EFHC1: variants seen among roughly 807,000 people sequenced by gnomAD.
EFHC1 encodes EF-hand domain containing 1.
Under a neutral mutation model 69.9 loss-of-function variants are expected in EFHC1, and 53 were observed. The observed-to-expected ratio is 0.76, with a 90% CI of 0.61 to 0.95. The LOEUF is 0.95. Ranked by LOEUF, EFHC1 falls within the 40% of genes least tolerant of loss-of-function variation. EFHC1 has a pLI of 0.00. For missense variants in EFHC1, 739 were observed against 798.7 expected (o/e 0.93, Z 0.90); for synonymous variants, 256 against 278.4 (o/e 0.92, Z 0.80).
chr6:52,464,605 G>C (rs1438237184), intron 5 of EFHC1, among the ~76,000 whole-genome samples: 1 of 152,134 alleles, frequency 6.6e-6, no homozygotes, highest in African/African-American at 2.4e-5. Flanking sequence ...CTTTCCTCCT[G>C]TAGTGATTTA....
intron 9 of EFHC1, chr6:52,482,503 A>G (rs1765702285): frequency 6.5e-6 from 2 of 309,228 alleles, no homozygotes; most frequent in Non-Finnish European, 1.2e-5. Context: ...AAACTTTATC[A>G]AAAGTGGTTT....
intron 9 of EFHC1, chr6:52,488,473 A>G (rs866541114): frequency 3.3e-5 from 5 of 152,224 alleles, no homozygotes; most frequent in African/African-American, 1.2e-4. Context: ...TAACTCAGAG[A>G]TAACTGCTTC....
intron 5 of EFHC1, among the ~76,000 whole-genome samples, chr6:52,457,987 T>C (rs1765081674): frequency 6.6e-6 from 1 of 152,178 alleles, no homozygotes; most frequent in South Asian, 2.1e-4. Flanking sequence ...TCTCAAAGAC[T>C]TTACAATCTG....
Position 52,497,072 on chromosome 6 carries a change from G to A in EFHC1, c.*4731G>A. Reference sequence around the variant, plus strand: ...AGCTAAATAACATCATAGTATAGTAGGCATCAAGGATGATGTGCTTGTTTC... The same window carrying A: ...AGCTAAATAACATCATAGTATAGTAAGCATCAAGGATGATGTGCTTGTTTC... On this transcript the variant is annotated 3_prime_UTR_variant, in exon 11 of 11. Coordinates refer to ENST00000371068, the MANE Select transcript of EFHC1 (RefSeq NM_018100.4). The A allele has an allele frequency of 6.6e-6, 1 of 152,148 alleles. No homozygotes were observed. The highest frequency in any genetic ancestry group is 1.9e-4 in the East Asian group (1 of 5,200). 9.4% of individuals were successfully genotyped at this position (152,148 alleles called of 1,614,324 possible). A position where few individuals can be genotyped will look rare whatever the true frequency, so the allele number is the denominator to read the frequency against.
At chr6:52,437,437 A>G (rs1370005408) in intron 2 of EFHC1, 1 of 152,220 alleles carries the variant, frequency 6.6e-6, no homozygotes, top group Non-Finnish European at 1.5e-5. Flanking sequence ...GATGTCAGCA[A>G]ACTTTTTCTG....
At chr6:52,459,110 A>G (rs1183890866) in intron 5 of EFHC1, among the ~76,000 whole-genome samples, 1 of 152,218 alleles carries the variant, frequency 6.6e-6, no homozygotes, top group Non-Finnish European at 1.5e-5. Flanking sequence ...AGAACTACCT[A>G]TCAGGTACTG....
chr6:52,454,186 C>T lies in EFHC1; in HGVS notation c.815C>T (p.Thr272Met), dbSNP rs143655397. 14 of 1,613,902 alleles carry T rather than the reference C, an allele frequency of 8.7e-6. No homozygotes were observed. The East Asian group carries it at 1.1e-4, about 13-fold the overall frequency. ...YIIHYYLMDD[T>M]VEIREVHERN... ...ATTCATTACTATCTTATGGATGATA[C>T]GGTGGAAATTCGAGAGGTCCACGAA... is the stretch of plus-strand genomic sequence containing the variant. Residue 272 changes from threonine (T) to methionine (M), a missense_variant, in exon 5 of 11, where the codon ACG becomes ATG. Physicochemically the swap from Thr to Met is moderately conservative, Grantham distance 81 (BLOSUM62 -1). Transcript: ENST00000371068.
chr6:52,491,626 C>T (rs1391885593), intron 10 of EFHC1, among the ~76,000 whole-genome samples: 1 of 152,222 alleles, frequency 6.6e-6, no homozygotes, highest in African/African-American at 2.4e-5. Flanking sequence ...ACGACAATTA[C>T]TACTGTTACT....
chr6:52,424,155 C>G lies in EFHC1; in HGVS notation c.273C>G (p.Ala91=). 6.2e-7 allele frequency: 1 copy of G among 1,613,848 alleles called. No individual in the cohort carries two copies. The highest frequency in any genetic ancestry group is 8.5e-7 in the Non-Finnish European group (1 of 1,179,848). The change falls in exon 2 of 11, where the codon GCC becomes GCG. Residue 91 remains alanine (A), a synonymous_variant. Transcript: ENST00000371068. ...PPADFIPAHV[A]FDKKVLKFDA... Reference sequence around the variant, plus strand: ...CGGATTTTATTCCTGCGCATGTGGCCTTTGACAAAAAGGTATCATCTGGAA... The same window carrying G: ...CGGATTTTATTCCTGCGCATGTGGCGTTTGACAAAAAGGTATCATCTGGAA...
intron 9 of EFHC1, chr6:52,482,413 GT>G (rs1185015053): frequency 6.1e-6 from 1 of 162,944 alleles, no homozygotes; most frequent in Non-Finnish European, 1.3e-5. Flanking sequence ...TGAAAAAATA[GT>G]AAAACTAATT....
chr6:52,480,181 C>T (rs761986089), intron 9 of EFHC1: 19 of 337,314 alleles, frequency 5.6e-5, no homozygotes, highest in African/African-American at 1.9e-4. Flanking sequence ...TCTTACAATA[C>T]GGTAAGCTAG....
At chr6:52,453,113 A>G (rs372508726) in intron 4 of EFHC1, 3 of 1,432,608 alleles carry the variant, frequency 2.1e-6, no homozygotes, top group African/African-American at 1.4e-5. Context: ...CCTGAGCTAC[A>G]TCTGCTTCCC....
In EFHC1 at chr6:52,452,783, T is replaced by A; in HGVS notation, c.669T>A (p.Tyr223Ter). 1 of 1,614,110 alleles carries A rather than the reference T, an allele frequency of 6.2e-7. No homozygotes were observed. Among genetic ancestry groups the A allele is most frequent in the Non-Finnish European group, 8.5e-7 (1 of 1,179,936 alleles). Residue 223 changes from tyrosine to a stop codon, truncating the protein, a stop_gained, in exon 4 of 11, where the codon TAT becomes TAA. Transcript: ENST00000371068. LOFTEE classifies it high-confidence loss of function. Reference protein sequence around the residue: ...TELRKQPLRKYVTPSDFDQLK... With the variant: ...TELRKQPLRK ...TCCGAAAACAGCCTCTTCGTAAGTA[T>A]GTCACCCCATCAGACTTTGATCAAC...
intron 2 of EFHC1, among the ~76,000 whole-genome samples, chr6:52,436,567 C>T (rs1052781809): frequency 6.6e-6 from 1 of 152,194 alleles, no homozygotes; most frequent in African/African-American, 2.4e-5. Context: ...ACATTAAAAA[C>T]AGAGACAAAA....
chr6:52,444,141 A>G (rs940518697), intron 3 of EFHC1, among the ~76,000 whole-genome samples: 2 of 152,214 alleles, frequency 1.3e-5, no homozygotes, highest in African/African-American at 4.8e-5. Flanking sequence ...TTGATTTTGT[A>G]TCCTGAGACT....
In EFHC1 at chr6:52,492,702, A is replaced by G; in HGVS notation, c.*361A>G. On this transcript the variant is annotated 3_prime_UTR_variant, in exon 11 of 11. Transcript: ENST00000371068. ...CTATCCTAGTTCTATGAAGCCTCAG[A>G]CTCCTGGGCTCAAGTGATCCTCCCA... 2.3e-6 allele frequency: 1 copy of G among 438,476 alleles called. No homozygotes were observed. The highest frequency in any genetic ancestry group is 1.7e-5 in the South Asian group (1 of 59,756). 27.2% of individuals were successfully genotyped at this position (438,476 alleles called of 1,614,324 possible).
At chr6:52,485,964 T>TG (rs1765777642) in intron 9 of EFHC1, 1 of 152,214 alleles carries the variant, frequency 6.6e-6, no homozygotes, top group Non-Finnish European at 1.5e-5. Context: ...TCTCTTGTGA[T>TG]GGGTCAGAGA....
intron 7 of EFHC1, among the ~76,000 whole-genome samples, chr6:52,472,560 A>G (rs1036064300): frequency 5.9e-5 from 9 of 152,166 alleles, no homozygotes; most frequent in African/African-American, 2.2e-4. Context: ...ATTCCTAGGT[A>G]TAAATTAAAT....
intron 2 of EFHC1, among the ~76,000 whole-genome samples, chr6:52,432,232 G>A (rs911879231): frequency 6.6e-5 from 10 of 152,050 alleles, no homozygotes; most frequent in Admixed American, 3.9e-4. Flanking sequence ...TCTGTTCATC[G>A]TGGTATTTGT....
Sources: gnomAD v4.1 joint callset for allele counts (sites outside exome capture counted in the v4.1 genomes callset) on GRCh38, gnomAD v4.1.1 for gene constraint, MANE v1.5 for transcripts, NCBI Gene and HGNC (gene_info 2026-07-23, HGNC 2026-07-21) for gene names.